The following CNGB1 variants were observed in gnomAD, a reference collection of about 807,000 sequenced individuals.
CNGB1 encodes cyclic nucleotide-gated channel beta-1.
In CNGB1, 126 loss-of-function variants were observed where a neutral mutation model predicts 151.7. The ratio of observed to expected loss-of-function variants is 0.83; its 90% CI spans 0.72 to 0.96. The LOEUF is 0.96. CNGB1 is among the 40% of genes least tolerant of loss of function. CNGB1 has a pLI of 0.00. For missense variants in CNGB1, 1,698 were observed against 1,627.0 expected, an observed-to-expected ratio of 1.04 and a Z score of -0.75; for synonymous variants, 623 against 635.1, an observed-to-expected ratio of 0.98 and a Z score of 0.29.
rs1373638346 is a variant in CNGB1, at chr16:57,884,419, G to A, written c.3501C>T (p.Ser1167=). ...GGTGCGTGTGCTGGTCTGGGGCGGC[G>A]GAGCCTTCCTCTCCCTTGACGTCTT... ...SSQDVKGEEG[S]AAPDQHTHPK... is the part of the protein sequence containing the mutation. Residue 1167 remains serine (S), a synonymous_variant, in exon 33 of 33, where the codon TCC becomes TCT. Coordinates refer to ENST00000251102, the MANE Select transcript of CNGB1 (RefSeq NM_001297.5). 3.1e-6 allele frequency: 5 copies of A among 1,613,450 alleles called. No individual in the cohort carries two copies. The African/African-American group carries it at 5.3e-5, about 17-fold the overall frequency.
At chr16:57,907,368 C>A (rs1960582978) in intron 25 of CNGB1, among the ~76,000 whole-genome samples, 1 of 151,810 alleles carries the variant, frequency 6.6e-6, no homozygotes, top group Non-Finnish European at 1.5e-5. Context: ...CCAACATATG[C>A]TCAAATTTTA....
intron 15 of CNGB1, 149 bp downstream of exon 15, chr16:57,940,085 G>T: frequency 1.3e-6 from 1 of 779,116 alleles, no homozygotes. Flanking sequence ...CCAAGAGGGG[G>T]CCTCGCAGGA....
rs749386059 is a variant in CNGB1, at chr16:57,903,895, G to A, written c.2721C>T (p.Tyr907=). The A allele has an allele frequency of 1.6e-5, 26 of 1,614,102 alleles. No individual in the cohort carries two copies. In the East Asian group the frequency reaches 2.9e-4, roughly 18 times the overall value. Residue 907 remains tyrosine, a synonymous_variant, in exon 27 of 33, where the codon TAC becomes TAT. Coordinates refer to ENST00000251102, the MANE Select transcript of CNGB1 (RefSeq NM_001297.5). ...MDSTVKYMNF[Y]KIPKSVQNRV... is the part of the protein sequence containing the mutation. ...GGTTCTGCACGGACTTGGGGATCTT[G>A]TAGAAATTCATGTACTTCACCGTGC...
At position 57,919,024 on chromosome 16, in the gene CNGB1, C is replaced by T. The variant is rs1960954554; in HGVS notation, c.1957+75G>A. The T allele has an allele frequency of 1.9e-6, 3 of 1,607,456 alleles. No homozygotes were observed. In the Admixed American group the frequency reaches 5.1e-5, roughly 27 times the overall value. On this transcript the variant is annotated intron_variant, in intron 20 of 32. Coordinates refer to ENST00000251102, the MANE Select transcript of CNGB1 (RefSeq NM_001297.5). The stretch of plus-strand genomic sequence containing the variant: ...CCATCCCACCTCTTGAATCCCCTGA[C>T]CCTCTCCCCATCCCGCTCCAACTCT...
At chr16:57,903,755 T>G (rs80124781) in intron 27 of CNGB1, 67 bp downstream of exon 27, 43,072 of 1,582,200 alleles carry the variant, frequency 0.027, 825 homozygotes, top group South Asian at 0.08. Flanking sequence ...CCCGAAGGCA[T>G]GGCACCGGGC....
chr16:57,887,890 C>T lies in CNGB1; in HGVS notation c.3427G>A (p.Glu1143Lys), dbSNP rs1222170238. Residue 1143 changes from glutamate (E) to lysine (K), a missense_variant, in exon 32 of 33, where the codon GAG (glutamate) becomes AAG (lysine). Glu to Lys is a moderately conservative substitution (Grantham distance 56, BLOSUM62 1). Transcript: ENST00000251102. ...RARLKELAALEAAAKQQELVE... is the reference protein window; with the variant it reads ...RARLKELAALKAAAKQQELVE... ...AACTCTTGCTGCTTTGCAGCCGCCTCCAGCGCGGCCAGTTCTTTGAGCCGG... is the reference window on the plus strand; with the variant it reads ...AACTCTTGCTGCTTTGCAGCCGCCTTCAGCGCGGCCAGTTCTTTGAGCCGG... The T allele has an allele frequency of 5.6e-6, 9 of 1,614,100 alleles. No individual in the cohort carries two copies. Among genetic ancestry groups the T allele is most frequent in the Non-Finnish European group, 7.6e-6 (9 of 1,180,056 alleles).
intron 25 of CNGB1, among the ~76,000 whole-genome samples, chr16:57,908,184 A>C (rs958320668): frequency 6.6e-6 from 1 of 152,184 alleles, no homozygotes; most frequent in Non-Finnish European, 1.5e-5. Context: ...AGCCACCAAA[A>C]CCAGCCTGGG....
At position 57,960,859 on chromosome 16, in the gene CNGB1, T is replaced by C. The variant is rs1205356751; in HGVS notation, c.515A>G (p.Gln172Arg). 1.9e-6 allele frequency: 3 copies of C among 1,613,826 alleles called. No homozygotes were observed. In the Admixed American group the frequency reaches 5.0e-5, roughly 27 times the overall value. Residue 172 changes from glutamine to arginine, a missense_variant, in exon 8 of 33, where the codon CAG becomes CGG. Physicochemically the swap from Gln to Arg is conservative, Grantham distance 43 (BLOSUM62 1). Transcript: ENST00000251102. ...GCTCACCTCAGAGGATTTGGGGGGC[T>C]GAGGAAGCACTCTTTCCAGATTCTG... ...LEQNLERVLP[Q>R]PPKSSEVWRD...
At chr16:57,932,681 T>C (rs1239084057) in intron 16 of CNGB1, among the ~76,000 whole-genome samples, 2 of 151,556 alleles carry the variant, frequency 1.3e-5, no homozygotes, top group East Asian at 1.9e-4. Context: ...CCAGGGTTCA[T>C]GCCATTCTCC....
At chr16:57,916,108 C>G in intron 22 of CNGB1, 21 bp downstream of exon 22, 2 of 1,613,750 alleles carry the variant, frequency 1.2e-6, no homozygotes, top group Non-Finnish European at 1.7e-6. Context: ...AGACGCTAAA[C>G]CTTGCATGCC....
At chr16:57,960,096 C>T (rs772460567) in intron 9 of CNGB1, 31 bp from the exon 10 acceptor site, 14 of 1,538,332 alleles carry the variant, frequency 9.1e-6, no homozygotes, top group African/African-American at 6.8e-5. Flanking sequence ...GAGCTAGAGA[C>T]GCCATCCCTT....
intron 6 of CNGB1, 108 bp from the exon 7 acceptor site, chr16:57,962,718 A>G: frequency 6.4e-7 from 1 of 1,569,148 alleles, no homozygotes; most frequent in Non-Finnish European, 8.7e-7. Context: ...CCAGGTTCAA[A>G]GCAGGGTCAG....
chr16:57,903,600 C>T (rs950597101), intron 27 of CNGB1, among the ~76,000 whole-genome samples: 1 of 152,182 alleles, frequency 6.6e-6, no homozygotes, highest in Non-Finnish European at 1.5e-5. Context: ...AGAAGACAAG[C>T]CCCCCGTCTC....
chr16:57,923,637 C>T (rs1369635706), intron 17 of CNGB1, among the ~76,000 whole-genome samples: 7 of 152,142 alleles, frequency 4.6e-5, no homozygotes, highest in South Asian at 2.1e-4. Context: ...GGTATTGCAC[C>T]CCAGTCCTGC....
intron 17 of CNGB1, among the ~76,000 whole-genome samples, chr16:57,926,692 C>A (rs1233836266): frequency 6.6e-6 from 1 of 152,164 alleles, no homozygotes. Flanking sequence ...AGAAAGTGCA[C>A]ACTGCCGCTG....
chr16:57,927,650 A>G (rs1961226068), intron 17 of CNGB1, among the ~76,000 whole-genome samples: 1 of 152,228 alleles, frequency 6.6e-6, no homozygotes, highest in South Asian at 2.1e-4. Context: ...GACAGGGACA[A>G]GAGGAGCCTC....
At chr16:57,957,755 C>T (rs1340522550) in intron 11 of CNGB1, among the ~76,000 whole-genome samples, 1 of 152,208 alleles carries the variant, frequency 6.6e-6, no homozygotes, top group African/African-American at 2.4e-5. Flanking sequence ...TTCTCACAGC[C>T]CTGGGTATGA....
intron 25 of CNGB1, among the ~76,000 whole-genome samples, chr16:57,909,291 T>C (rs1487946559): frequency 6.6e-6 from 1 of 152,126 alleles, no homozygotes; most frequent in Non-Finnish European, 1.5e-5. Flanking sequence ...ACAATAATAA[T>C]AATGGAGGTG....
chr16:57,929,324 A>G (rs1182467032), intron 17 of CNGB1, among the ~76,000 whole-genome samples: 2 of 152,150 alleles, frequency 1.3e-5, no homozygotes, highest in African/African-American at 4.8e-5. Flanking sequence ...GATAATTTAC[A>G]AAGGAAAGAG....
Sources: gnomAD v4.1 joint callset for allele counts (sites outside exome capture counted in the v4.1 genomes callset) on GRCh38, gnomAD v4.1.1 for gene constraint, MANE v1.5 for transcripts, NCBI Gene and HGNC (gene_info 2026-07-23, HGNC 2026-07-21) for gene names.